Variants in ASAH1 observed in about 807,000 individuals in gnomAD.
ASAH1 encodes the protein acid ceramidase.
A neutral mutation model predicts 59.5 loss-of-function variants in ASAH1; 70 were observed. That is an observed-to-expected ratio of 1.18 (90% confidence interval 0.97 to 1.43). The LOEUF (loss-of-function observed/expected upper bound fraction) is 1.43, where lower values mean the gene tolerates loss of function less well. Ranked by LOEUF, ASAH1 falls within the 40% of genes most tolerant of loss-of-function variation. The probability of loss-of-function intolerance (pLI) is 0.00; values close to 1 mark genes in which losing one functional copy is unlikely to be tolerated. For missense variants in ASAH1, 660 were observed against 482.5 expected, an observed-to-expected ratio of 1.37 and a Z score of -3.45; for synonymous variants, 213 against 166.5, an observed-to-expected ratio of 1.28 and a Z score of -2.15.
intron 12 of ASAH1, 40 bp from the exon 13 acceptor site, chr8:18,058,931 A>G (rs370218098): frequency 6.0e-5 from 92 of 1,542,134 alleles, no homozygotes; most frequent in Non-Finnish European, 8.2e-5. Flanking sequence ...TAAGTTAAAT[A>G]CAGAAGCCAA....
At chr8:18,064,587 A>T (rs1799852213) in intron 5 of ASAH1, 56 bp from the exon 6 acceptor site, 1 of 1,036,668 alleles carries the variant, frequency 9.6e-7, no homozygotes, top group Non-Finnish European at 1.5e-6. Flanking sequence ...TGGGAGAAAA[A>T]TTTGTTTTAA....
At chr8:18,081,002 T>C (rs375704541) in intron 1 of ASAH1, among the ~76,000 whole-genome samples, 12 of 152,222 alleles carry the variant, frequency 7.9e-5, no homozygotes, top group Admixed American at 2.6e-4. Context: ...AAATATAATA[T>C]CATTATGCCA....
chr8:18,061,584 G>A (rs990273469), intron 9 of ASAH1, 102 bp downstream of exon 9: 35 of 1,461,690 alleles, frequency 2.4e-5, no homozygotes, highest in East Asian at 7.0e-5. Flanking sequence ...GTAACCAGTC[G>A]GGAACCGGAA....
At chr8:18,062,647 G>C (rs1799754555) in intron 7 of ASAH1, 1 of 557,484 alleles carries the variant, frequency 1.8e-6, no homozygotes. Flanking sequence ...CTTATAAATA[G>C]TGAGCCTCAG....
At chr8:18,069,236 G>T (rs1054079917) in intron 4 of ASAH1, among the ~76,000 whole-genome samples, 10 of 152,020 alleles carry the variant, frequency 6.6e-5, no homozygotes, top group Non-Finnish European at 1.0e-4. Context: ...AACAGTTCTA[G>T]GGGCCAGGCC....
chr8:18,067,321 A>C (rs1588986260), intron 4 of ASAH1, 23 bp from the exon 5 acceptor site: 2 of 1,478,116 alleles, frequency 1.4e-6, no homozygotes, highest in Non-Finnish European at 1.8e-6. Flanking sequence ...TATATTAATA[A>C]AAGCATTTAA....
In ASAH1 at chr8:18,062,291, T is replaced by C. The variant is rs551625847; in HGVS notation, c.636A>G (p.Thr212=). The change falls in exon 8 of 14, where the codon ACA becomes ACG. Residue 212 remains threonine, a synonymous_variant. Coordinates refer to ENST00000637790, the MANE Select transcript of ASAH1 (RefSeq NM_177924.5). ...SSFAGYVGML[T]GFKPGLFSLT... is the part of the protein sequence containing the mutation. ...ACAGACTCCTTACTGGTTTGAATCC[T>C]GTTAACATGCCCACATAGCCAGCAA... The C allele has an allele frequency of 1.2e-6, 2 of 1,614,248 alleles. No homozygotes were observed. The highest frequency in any genetic ancestry group is 2.7e-5 in the African/African-American group (2 of 75,068).
chr8:18,073,238 G>C (rs369772588), intron 2 of ASAH1: 3 of 1,566,478 alleles, frequency 1.9e-6, no homozygotes, highest in African/African-American at 1.3e-5. Context: ...TTCCCCATAA[G>C]AATAAAAGAG....
rs983781009 is a variant in ASAH1, at chr8:18,062,321, T to C, written c.606A>G (p.Ser202=). ...QRNNKTVFKA[S]SFAGYVGMLT... ...ACATGCCCACATAGCCAGCAAAGCT[T>C]GAAGCCTTGAAGACAGTTTTGTTGT... Residue 202 remains serine (S), a synonymous_variant, in exon 8 of 14, where the codon TCA becomes TCG. Transcript: ENST00000637790. 13 of 1,614,114 alleles carry C rather than the reference T, an allele frequency of 8.1e-6. No homozygotes were observed. The highest frequency in any genetic ancestry group is 1.0e-5 in the Non-Finnish European group (12 of 1,180,042).
At chr8:18,061,893 T>C in intron 8 of ASAH1, 153 bp from the exon 9 acceptor site, 1 of 791,692 alleles carries the variant, frequency 1.3e-6, no homozygotes, top group East Asian at 2.7e-5. Context: ...TTTTAAAAAG[T>C]TCAAAGCATT....
At chr8:18,081,047 C>G (rs982694640) in intron 1 of ASAH1, among the ~76,000 whole-genome samples, 1 of 152,122 alleles carries the variant, frequency 6.6e-6, no homozygotes, top group Non-Finnish European at 1.5e-5. Flanking sequence ...AGTGCCAGTC[C>G]GAGTGGCCTG....
chr8:18,084,262 A>G, upstream of ASAH1: 1 of 1,450,834 alleles, frequency 6.9e-7, no homozygotes, highest in Non-Finnish European at 9.0e-7. Flanking sequence ...TGGCGTAGAG[A>G]AAGAGAGAGA....
intron 6 of ASAH1, 167 bp downstream of exon 6, chr8:18,064,290 G>C (rs1042355418): frequency 1.5e-6 from 1 of 650,192 alleles, no homozygotes; most frequent in South Asian, 1.9e-5. Context: ...TGAAAATAAG[G>C]AAAATTTTCA....
At position 18,084,102 on chromosome 8, in the gene ASAH1, A is replaced by G. The variant is rs765031840; in HGVS notation, c.-44T>C. ...CACTCCCCGGACTCCAGCAGAGGCA[A>G]AGAAGAGCCGGCTGGGCCGGGGGCA... On this transcript the variant is annotated 5_prime_UTR_variant, in exon 1 of 14. Coordinates refer to ENST00000637790, the MANE Select transcript of ASAH1 (RefSeq NM_177924.5). 7 of 1,595,580 alleles carry G rather than the reference A, an allele frequency of 4.4e-6. No individual in the cohort carries two copies. The South Asian group carries it at 5.5e-5, about 13-fold the overall frequency.
chr8:18,064,064 G>A, intron 6 of ASAH1: 2 of 317,334 alleles, frequency 6.3e-6, no homozygotes, highest in Non-Finnish European at 1.2e-5. Context: ...GCCTGGCTGG[G>A]AAAGGATGGG....
At chr8:18,067,947 G>A (rs1046746934) in intron 4 of ASAH1, 42 of 152,006 alleles carry the variant, frequency 2.8e-4, no homozygotes, top group African/African-American at 8.7e-4. Flanking sequence ...TAAAATTCAC[G>A]AATCTCACTT....
chr8:18,061,666 C>T lies in ASAH1; in HGVS notation c.703+20G>A, dbSNP rs761108026. ...AAAAAGCTCTGAGATTCCCATTTCA[C>T]TTGAGAATGCTCTACTTACCCAGAT... On this transcript the variant is annotated intron_variant, in intron 9 of 13. Transcript: ENST00000637790. 6.3e-7 allele frequency: 1 copy of T among 1,581,274 alleles called. No homozygotes were observed. Among genetic ancestry groups the T allele is most frequent in the Non-Finnish European group, 8.6e-7 (1 of 1,161,360 alleles).
At chr8:18,067,439 A>G (rs938023540) in intron 4 of ASAH1, 141 bp from the exon 5 acceptor site, 2 of 398,110 alleles carry the variant, frequency 5.0e-6, no homozygotes, top group South Asian at 7.9e-5. Context: ...TGCTATCATA[A>G]TAAGTGATAG....
chr8:18,067,145 G>C, intron 5 of ASAH1, 75 bp downstream of exon 5: 11 of 703,792 alleles, frequency 1.6e-5, no homozygotes, highest in Non-Finnish European at 2.0e-5. Flanking sequence ...TGTGCTGTAT[G>C]TATATCACAC....
Sources: gnomAD v4.1 joint callset for allele counts (sites outside exome capture counted in the v4.1 genomes callset) on GRCh38, gnomAD v4.1.1 for gene constraint, MANE v1.5 for transcripts, NCBI Gene and HGNC (gene_info 2026-07-23, HGNC 2026-07-21) for gene names.